HERPUD1: variants seen among roughly 807,000 people sequenced by gnomAD.
The protein encoded by HERPUD1 is homocysteine-responsive endoplasmic reticulum-resident ubiquitin-like domain member 1 protein.
A neutral mutation model predicts 45.0 loss-of-function variants in HERPUD1; 17 were observed. The observed-to-expected ratio is 0.38, with a 90% confidence interval of 0.26 to 0.57. The LOEUF is 0.57. HERPUD1 is among the 20% of genes least tolerant of loss of function. HERPUD1 has a pLI of 0.72. For missense variants in HERPUD1, 420 were observed against 490.5 expected, an observed-to-expected ratio of 0.86 and a Z score of 1.36; for synonymous variants, 164 against 177.5, an observed-to-expected ratio of 0.92 and a Z score of 0.61.
intron 6 of HERPUD1, chr16:56,941,863 T>TATA (rs112958173): frequency 0.71 from 222,663 of 315,718 alleles, 80,181 homozygotes; most frequent in African/African-American, 0.9. Flanking sequence ...GTTTAGTTCG[T>TATA]CATAAGCATT....
At chr16:56,943,003 C>A in intron 7 of HERPUD1, 123 bp from the exon 8 acceptor site, 1 of 969,984 alleles carries the variant, frequency 1.0e-6, no homozygotes, top group Non-Finnish European at 1.6e-6. Context: ...TGGCTGCCTG[C>A]TGCTGTGCCT....
At chr16:56,932,652 G>A (rs1271615472) in intron 1 of HERPUD1, among the ~76,000 whole-genome samples, 1 of 152,252 alleles carries the variant, frequency 6.6e-6, no homozygotes, top group Non-Finnish European at 1.5e-5. Flanking sequence ...TCCCCCAGCG[G>A]CCAGGCAACT....
In HERPUD1 at chr16:56,939,258, A is replaced by G; in HGVS notation, c.453A>G (p.Ala151=). ...ATAGGCCTGAAGCTGCCCAGCAGGC[A>G]TTCCAAGGCCTGGGTCCTGGTTTCT... The part of the protein sequence containing the change: ...NISRPEAAQQ[A]FQGLGPGFSG... Residue 151 remains alanine (A), a synonymous_variant, in exon 5 of 8, where the codon GCA becomes GCG. Coordinates refer to ENST00000439977, the MANE Select transcript of HERPUD1 (RefSeq NM_014685.4). 5 of 1,614,248 alleles carry G rather than the reference A, an allele frequency of 3.1e-6. No homozygotes were observed. Among genetic ancestry groups the G allele is most frequent in the Non-Finnish European group, 4.2e-6 (5 of 1,180,034 alleles).
Position 56,932,449 on chromosome 16 carries a change from A to G in HERPUD1, c.147+58A>G, listed in dbSNP as rs572081224. The G allele has an allele frequency of 5.5e-5, 77 of 1,412,778 alleles. No individual in the cohort carries two copies. The Admixed American group carries it at 1.2e-3, about 22-fold the overall frequency. 87.5% of individuals were successfully genotyped at this position (1,412,778 alleles called of 1,614,324 possible). On this transcript the variant is annotated intron_variant, in intron 1 of 7. Transcript: ENST00000439977. ...TGTGGCCCCCCGCCCTCTGCTGGGG[A>G]TGCCACGTCCGGCTGCCCTGTCCTG...
chr16:56,939,100 G>A (rs527247606), intron 4 of HERPUD1, 137 bp from the exon 5 acceptor site: 7 of 898,502 alleles, frequency 7.8e-6, no homozygotes, highest in Non-Finnish European at 1.2e-5. Context: ...GCGTCATACA[G>A]TCATTTACCA....
At chr16:56,939,857 G>C (rs756518679) in intron 5 of HERPUD1, 38 bp from the exon 6 acceptor site, 26 of 1,510,032 alleles carry the variant, frequency 1.7e-5, no homozygotes, top group Non-Finnish European at 2.3e-5. Flanking sequence ...ACGGTGCTTT[G>C]GTCTCAACAG....
chr16:56,935,053 G>A (rs1242645881), intron 1 of HERPUD1, 182 bp from the exon 2 acceptor site: 1 of 582,870 alleles, frequency 1.7e-6, no homozygotes, highest in Non-Finnish European at 3.1e-6. Flanking sequence ...TTAGAGACCA[G>A]TTAAAGTTAA....
At chr16:56,934,794 C>T (rs2055853293) in intron 1 of HERPUD1, among the ~76,000 whole-genome samples, 1 of 144,776 alleles carries the variant, frequency 6.9e-6, no homozygotes, top group Admixed American at 7.3e-5. Context: ...TCACTGCAAC[C>T]TCTGCCTCCC....
intron 1 of HERPUD1, among the ~76,000 whole-genome samples, chr16:56,934,706 T>TTTTTTTTTTTTG: frequency 7.9e-6 from 1 of 126,702 alleles, no homozygotes; most frequent in Non-Finnish European, 1.7e-5. Flanking sequence ...GCCATTCTTT[T>TTTTTTTTTTTTG]TTTTTTTTTT....
chr16:56,938,286 G>T (rs967394886), intron 4 of HERPUD1, among the ~76,000 whole-genome samples: 1 of 151,892 alleles, frequency 6.6e-6, no homozygotes, highest in Non-Finnish European at 1.5e-5. Flanking sequence ...GCATTTGGCC[G>T]GGCGCGGTGG....
intron 3 of HERPUD1, chr16:56,936,137 AG>A (rs1237386997): frequency 6.5e-6 from 1 of 152,724 alleles, no homozygotes; most frequent in Admixed American, 6.5e-5. Context: ...ATTCTAATGT[AG>A]TGATGCACTC....
intron 1 of HERPUD1, among the ~76,000 whole-genome samples, chr16:56,934,810 C>A (rs745906650): frequency 1.0e-4 from 15 of 143,252 alleles, no homozygotes; most frequent in Non-Finnish European, 1.6e-4. Context: ...CTCCCTGGTT[C>A]AAGCGATTCC....
intron 1 of HERPUD1, among the ~76,000 whole-genome samples, chr16:56,933,893 A>T (rs1427663034): frequency 6.6e-6 from 1 of 152,220 alleles, no homozygotes; most frequent in Non-Finnish European, 1.5e-5. Context: ...GACCCTACAT[A>T]TACAAAAGGT....
At position 56,943,658 on chromosome 16, in the gene HERPUD1, G is replaced by T; in HGVS notation, c.*368G>T. ...TCATAGATGCAGAAGTGGTTCTGCTGGTACGATTTGATTCCTGTTGGAATG... is the reference window on the plus strand; with the variant it reads ...TCATAGATGCAGAAGTGGTTCTGCTTGTACGATTTGATTCCTGTTGGAATG... On this transcript the variant is annotated 3_prime_UTR_variant, in exon 8 of 8. Transcript: ENST00000439977. 1 of 388,006 alleles carries T rather than the reference G, an allele frequency of 2.6e-6. No individual in the cohort carries two copies. Among genetic ancestry groups the T allele is most frequent in the Non-Finnish European group, 4.9e-6 (1 of 206,032 alleles). The allele number at this position is 388,006 out of a possible 1,614,324, so 24.0% of individuals were successfully genotyped here. A position where few individuals can be genotyped will look rare whatever the true frequency, so the allele number is the denominator to read the frequency against.
Position 56,935,251 on chromosome 16 carries a change from G to A in HERPUD1, c.164G>A (p.Arg55Lys). The A allele has an allele frequency of 6.2e-7, 1 of 1,613,638 alleles. No individual in the cohort carries two copies. Among genetic ancestry groups the A allele is most frequent in the Non-Finnish European group, 8.5e-7 (1 of 1,179,542 alleles). Residue 55 changes from arginine (R) to lysine (K), a missense_variant, in exon 2 of 8, where the codon AGG (arginine) becomes AAG (lysine). Coordinates refer to ENST00000439977, the MANE Select transcript of HERPUD1 (RefSeq NM_014685.4). Reference protein sequence around the residue: ...YPERPRPEDQRLIYSGKLLLD... With the variant: ...YPERPRPEDQKLIYSGKLLLD... ...CATGATCAGCGTCCAGAGGACCAGAGGTTAATTTATTCTGGGAAGCTGTTG... is the reference window on the plus strand; with the variant it reads ...CATGATCAGCGTCCAGAGGACCAGAAGTTAATTTATTCTGGGAAGCTGTTG...
chr16:56,943,413 T>C lies in HERPUD1; in HGVS notation c.*123T>C, dbSNP rs2055927153. On this transcript the variant is annotated 3_prime_UTR_variant, in exon 8 of 8. Coordinates refer to ENST00000439977, the MANE Select transcript of HERPUD1 (RefSeq NM_014685.4). Reference sequence around the variant, plus strand: ...TTTTAAAAAACAGTGTGGATGATGATATGCTTTTGTGAGCAAGCAAAAGCA... The same window carrying C: ...TTTTAAAAAACAGTGTGGATGATGACATGCTTTTGTGAGCAAGCAAAAGCA... The C allele has an allele frequency of 8.7e-7, 1 of 1,153,654 alleles. No individual in the cohort carries two copies. The highest frequency in any genetic ancestry group is 1.3e-6 in the Non-Finnish European group (1 of 768,224). The allele number at this position is 1,153,654 out of a possible 1,614,324, so 71.5% of individuals were successfully genotyped here.
chr16:56,939,900 C>A lies in HERPUD1; in HGVS notation c.560C>A (p.Ala187Glu). ...CTCTGTCGTTTTTATTTTAGTTTAG[C>A]AGCCACTGCTGCATCAGGGGCTTTT... ...YARQYYMQYL[A>E]ATAASGAFVP... The change falls in exon 6 of 8, where the codon GCA becomes GAA. Residue 187 changes from alanine to glutamate, a missense_variant. Coordinates refer to ENST00000439977, the MANE Select transcript of HERPUD1 (RefSeq NM_014685.4). The A allele has an allele frequency of 6.2e-7, 1 of 1,606,638 alleles. No homozygotes were observed. Among genetic ancestry groups the A allele is most frequent in the South Asian group, 1.1e-5 (1 of 90,920 alleles).
intron 6 of HERPUD1, chr16:56,940,848 C>T (rs1035247380): frequency 1.3e-5 from 2 of 152,016 alleles, no homozygotes; most frequent in African/African-American, 2.4e-5. Context: ...CTGTAATTTA[C>T]TTGGGTGGCT....
In HERPUD1 at chr16:56,935,289, T is replaced by C. The variant is rs2055857570; in HGVS notation, c.202T>C (p.Cys68Arg). 6.2e-7 allele frequency: 1 copy of C among 1,613,908 alleles called. No homozygotes were observed. Among genetic ancestry groups the C allele is most frequent in the Non-Finnish European group, 8.5e-7 (1 of 1,179,860 alleles). Reference protein sequence around the residue: ...YSGKLLLDHQCLRDLLPKQEK... With the variant: ...YSGKLLLDHQRLRDLLPKQEK... Reference sequence around the variant, plus strand: ...TGGGAAGCTGTTGTTGGATCACCAATGTCTCAGGGACTTGCTTCCAAAGGT... The same window carrying C: ...TGGGAAGCTGTTGTTGGATCACCAACGTCTCAGGGACTTGCTTCCAAAGGT... The change falls in exon 2 of 8, where the codon TGT becomes CGT. Residue 68 changes from cysteine (C) to arginine (R), a missense_variant. Transcript: ENST00000439977.
Sources: gnomAD v4.1 joint callset for allele counts (sites outside exome capture counted in the v4.1 genomes callset) on GRCh38, gnomAD v4.1.1 for gene constraint, MANE v1.5 for transcripts, NCBI Gene and HGNC (gene_info 2026-07-23, HGNC 2026-07-21) for gene names.